MAN2A2: variants seen among roughly 807,000 people sequenced by gnomAD.
MAN2A2 encodes alpha-mannosidase 2x.
In MAN2A2, 79 loss-of-function variants were observed where a neutral mutation model predicts 126.8. The observed-to-expected ratio is 0.62, with a 90% CI of 0.52 to 0.75. The LOEUF is 0.75. MAN2A2 is among the 30% of genes least tolerant of loss of function. MAN2A2 has a pLI of 0.00. For synonymous variants in MAN2A2, 671 were observed against 618.7 expected, an observed-to-expected ratio of 1.08 and a Z score of -1.25; for missense variants, 1,392 against 1,522.4, an observed-to-expected ratio of 0.91 and a Z score of 1.43.
chr15:90,911,034 G>A (rs544182774), intron 12 of MAN2A2, 73 bp downstream of exon 12: 1 of 1,484,480 alleles, frequency 6.7e-7, no homozygotes, highest in African/African-American at 1.4e-5. Context: ...GCTGGATGGG[G>A]GTGCCGCTTC....
Position 90,906,735 on chromosome 15 carries a change from C to G in MAN2A2, c.836-5C>G. On this transcript the variant is annotated splice_polypyrimidine_tract_variant and splice_region_variant and intron_variant, in intron 6 of 22. Coordinates refer to ENST00000559717, the MANE Select transcript of MAN2A2 (RefSeq NM_006122.4). ...GGGCCTCTCTGGCTTCCATGCCCTGCCCAGGTGCAACCCCCCGCTCTGGCT... is the reference window on the plus strand; with the variant it reads ...GGGCCTCTCTGGCTTCCATGCCCTGGCCAGGTGCAACCCCCCGCTCTGGCT... The G allele has an allele frequency of 6.2e-7, 1 of 1,610,688 alleles. No individual in the cohort carries two copies. The highest frequency in any genetic ancestry group is 8.5e-7 in the Non-Finnish European group (1 of 1,179,848).
intron 19 of MAN2A2, 159 bp from the exon 20 acceptor site, chr15:90,915,964 C>A: frequency 2.8e-6 from 2 of 709,566 alleles, no homozygotes; most frequent in East Asian, 5.6e-5. Context: ...ATCAGGTTCC[C>A]TCCCAGCCGT....
In MAN2A2 at chr15:90,907,312, C is replaced by G. The variant is rs368969435; in HGVS notation, c.1013C>G (p.Ser338Trp). Residue 338 changes from serine to tryptophan, a missense_variant, in exon 8 of 23, where the codon TCG becomes TGG. Physicochemically the swap from Ser to Trp is radical, Grantham distance 177. Coordinates refer to ENST00000559717, the MANE Select transcript of MAN2A2 (RefSeq NM_006122.4). ...LEFMWRQTWD[S>W]DSSTDIFCHM... ...CCACGTGGTGTGTCTCCTGCAGACT[C>G]GGACTCCAGCACAGACATCTTCTGT... 2 of 1,613,068 alleles carry G rather than the reference C, an allele frequency of 1.2e-6. No homozygotes were observed. Among genetic ancestry groups the G allele is most frequent in the Non-Finnish European group, 1.7e-6 (2 of 1,179,276 alleles).
chr15:90,914,076 C>T (rs1443853596), intron 19 of MAN2A2, among the ~76,000 whole-genome samples: 1 of 152,234 alleles, frequency 6.6e-6, no homozygotes, highest in Non-Finnish European at 1.5e-5. Flanking sequence ...CAGTGGTTCA[C>T]TCCTGTAATC....
chr15:90,907,336 G>A lies in MAN2A2; in HGVS notation c.1037G>A (p.Cys346Tyr). ...TCGGACTCCAGCACAGACATCTTCTGTCACATGATGCCCTTCTACAGCTAT... is the reference window on the plus strand; with the variant it reads ...TCGGACTCCAGCACAGACATCTTCTATCACATGATGCCCTTCTACAGCTAT... ...WDSDSSTDIF[C>Y]HMMPFYSYDV... The change falls in exon 8 of 23, where the codon TGT becomes TAT. Residue 346 changes from cysteine to tyrosine, a missense_variant. Coordinates refer to ENST00000559717, the MANE Select transcript of MAN2A2 (RefSeq NM_006122.4). The A allele has an allele frequency of 6.2e-7, 1 of 1,614,062 alleles. No homozygotes were observed. The highest frequency in any genetic ancestry group is 1.1e-5 in the South Asian group (1 of 91,086).
intron 8 of MAN2A2, among the ~76,000 whole-genome samples, chr15:90,908,409 A>C (rs1047548151): frequency 1.3e-5 from 2 of 152,366 alleles, no homozygotes; most frequent in African/African-American, 4.8e-5. Flanking sequence ...CATGCCAATT[A>C]AAGTAGGAAA....
At position 90,907,290 on chromosome 15, in the gene MAN2A2, C is replaced by T. The variant is rs777402674; in HGVS notation, c.1010-19C>T. On this transcript the variant is annotated intron_variant, in intron 7 of 22. Coordinates refer to ENST00000559717, the MANE Select transcript of MAN2A2 (RefSeq NM_006122.4). ...AGAGGCTGCCTGCTGGTGGTGACCA[C>T]GTGGTGTGTCTCCTGCAGACTCGGA... is the stretch of plus-strand genomic sequence containing the variant. 1.6e-5 allele frequency: 26 copies of T among 1,608,518 alleles called. No individual in the cohort carries two copies. The highest frequency in any genetic ancestry group is 1.9e-5 in the Non-Finnish European group (22 of 1,176,000).
rs145039941 is a variant in MAN2A2 at position 90,909,382 on chromosome 15, G to A, written c.1252G>A (p.Val418Ile). The change falls in exon 9 of 23, where the codon GTC becomes ATC. Residue 418 changes from valine (V) to isoleucine (I), a missense_variant. Physicochemically the swap from Val to Ile is conservative, Grantham distance 29 (BLOSUM62 3). Coordinates refer to ENST00000559717, the MANE Select transcript of MAN2A2 (RefSeq NM_006122.4). The part of the protein sequence containing the change: ...RKKSQLFRSN[V>I]LLVPLGDDFR... ...GAAGTCCCAGCTGTTCCGAAGCAACGTCCTCCTGGTGCCTCTTGGAGATGA... is the reference window on the plus strand; with the variant it reads ...GAAGTCCCAGCTGTTCCGAAGCAACATCCTCCTGGTGCCTCTTGGAGATGA... 9 of 1,613,886 alleles carry A rather than the reference G, an allele frequency of 5.6e-6. No homozygotes were observed. In the Admixed American group the frequency reaches 1.0e-4, roughly 18 times the overall value.
At chr15:90,910,412 G>T in intron 10 of MAN2A2, 89 bp from the exon 11 acceptor site, 1 of 1,572,508 alleles carries the variant, frequency 6.4e-7, no homozygotes, top group South Asian at 1.1e-5. Context: ...GGTAGAGGAG[G>T]GGTGGGAAGG....
At chr15:90,916,328 AG>A in intron 20 of MAN2A2, 72 bp downstream of exon 20, 4 of 1,549,098 alleles carry the variant, frequency 2.6e-6, no homozygotes. Flanking sequence ...GGTCCAGCCT[AG>A]GGCTCGAGGA....
chr15:90,911,305 A>G (rs1371297416), intron 13 of MAN2A2, 67 bp downstream of exon 13: 1 of 1,612,948 alleles, frequency 6.2e-7, no homozygotes, highest in Non-Finnish European at 8.5e-7. Flanking sequence ...CCTCTGCCCC[A>G]GCATGTGCTG....
At chr15:90,910,013 C>G in intron 9 of MAN2A2, 77 bp from the exon 10 acceptor site, 1 of 1,336,156 alleles carries the variant, frequency 7.5e-7, no homozygotes. Context: ...CCTGCCTCAC[C>G]CCCAACTGCA....
chr15:90,909,557 T>C, intron 9 of MAN2A2, 53 bp downstream of exon 9: 1 of 1,537,524 alleles, frequency 6.5e-7, no homozygotes, highest in South Asian at 1.2e-5. Flanking sequence ...AGCCCATCCC[T>C]TCCCGTGAGA....
rs1276898438 is a variant in MAN2A2 at position 90,909,461 on chromosome 15, G to A, written c.1331G>A (p.Arg444Gln). ...GATGCCCAGTTCTTCAACTACCAAC[G>A]GCTCTTTGACTTCTTCAACAGCAGG... ...EWDAQFFNYQ[R>Q]LFDFFNSRPN... Residue 444 changes from arginine (R) to glutamine (Q), a missense_variant, in exon 9 of 23, where the codon CGG becomes CAG. Coordinates refer to ENST00000559717, the MANE Select transcript of MAN2A2 (RefSeq NM_006122.4). 8 of 1,614,090 alleles carry A rather than the reference G, an allele frequency of 5.0e-6. No individual in the cohort carries two copies. Among genetic ancestry groups the A allele is most frequent in the East Asian group, 2.2e-5 (1 of 44,872 alleles).
intron 10 of MAN2A2, 38 bp from the exon 11 acceptor site, chr15:90,910,463 G>C: frequency 6.2e-7 from 1 of 1,610,166 alleles, no homozygotes; most frequent in Non-Finnish European, 8.5e-7. Context: ...GCCCTGGCTA[G>C]TGGTGCAGGC....
chr15:90,907,167 C>T (rs1395287300), intron 7 of MAN2A2, 142 bp from the exon 8 acceptor site: 1 of 913,820 alleles, frequency 1.1e-6, no homozygotes, highest in Non-Finnish European at 1.7e-6. Context: ...GTCTTTCTCC[C>T]TGGCCTACAC....
intron 22 of MAN2A2, 122 bp downstream of exon 22, chr15:90,918,877 G>T (rs181792880): frequency 2.2e-5 from 16 of 721,380 alleles, no homozygotes; most frequent in Admixed American, 1.1e-4. Flanking sequence ...TGGAGAGAAG[G>T]GGGGAAGCTG....
Position 90,913,891 on chromosome 15 carries a change from A to G in MAN2A2, c.2860+136A>G, listed in dbSNP as rs2034974568. 1.3e-5 allele frequency: 15 copies of G among 1,161,638 alleles called. No individual in the cohort carries two copies. The Middle Eastern group carries it at 8.7e-4, about 68-fold the overall frequency. The allele number at this position is 1,161,638 out of a possible 1,614,324, so 72.0% of individuals were successfully genotyped here. A position where few individuals can be genotyped will look rare whatever the true frequency, so the allele number is the denominator to read the frequency against. On this transcript the variant is annotated intron_variant, in intron 19 of 22. Transcript: ENST00000559717. Reference sequence around the variant, plus strand: ...CACCTCCATGCTTGGAGAGGGGGCAAGCCATTCAGAGCTCTTGGCACAGGA... The same window carrying G: ...CACCTCCATGCTTGGAGAGGGGGCAGGCCATTCAGAGCTCTTGGCACAGGA...
At position 90,905,246 on chromosome 15, in the gene MAN2A2, G is replaced by T; in HGVS notation, c.133-5G>T. On this transcript the variant is annotated splice_region_variant and splice_polypyrimidine_tract_variant and intron_variant, in intron 2 of 22. Transcript: ENST00000559717. ...GTGTGTGATTGCTTTCTGGTTTTTT[G>T]GCAGAGCCAAATTTCTGTGCTGCAG... 6.2e-7 allele frequency: 1 copy of T among 1,610,320 alleles called. No individual in the cohort carries two copies. Among genetic ancestry groups the T allele is most frequent in the Non-Finnish European group, 8.5e-7 (1 of 1,179,636 alleles).
Sources: allele counts gnomAD v4.1 joint callset (sites outside exome capture counted in the v4.1 genomes callset), GRCh38; gene constraint gnomAD v4.1.1; transcripts MANE v1.5; gene names NCBI Gene and HGNC (gene_info 2026-07-23, HGNC 2026-07-21).